CSMD3: variants seen among roughly 807,000 people sequenced by gnomAD.
The protein encoded by CSMD3 is CUB and sushi domain-containing protein 3.
Under a neutral mutation model 435.2 loss-of-function variants are expected in CSMD3, and 177 were observed. The ratio of observed to expected loss-of-function variants is 0.41; its 90% CI spans 0.36 to 0.46. CSMD3 has a LOEUF of 0.46. CSMD3 is among the 20% of genes least tolerant of loss of function. The probability of loss-of-function intolerance (pLI) is 0.34; values close to 1 mark genes in which losing one functional copy is unlikely to be tolerated. For synonymous variants in CSMD3, 1,656 were observed against 1,520.5 expected, an observed-to-expected ratio of 1.09 and a Z score of -2.07; for missense variants, 4,265 against 4,504.6, an observed-to-expected ratio of 0.95 and a Z score of 1.52.
rs527621329 is a variant in CSMD3, at chr8:112,834,784, T to A, written c.1756-4995A>T. Among the ~76,000 whole-genome samples, 72 of 151,900 alleles carry A rather than the reference T, an allele frequency of 4.7e-4. 2 individuals are homozygous for A. In the South Asian group the frequency reaches 0.015, roughly 31 times the overall value. On this transcript the variant is annotated intron_variant, in intron 11 of 70. Transcript: ENST00000297405. ...TTGGTAGTAGGGCTGAAACATTTAG[T>A]AAGAAAATAGGAAAAATATTATGCA...
In CSMD3 at chr8:112,351,240, T is replaced by C. The variant is rs766746382; in HGVS notation, c.6260A>G (p.His2087Arg). Residue 2087 changes from histidine to arginine, a missense_variant, in exon 40 of 71, where the codon CAC becomes CGC. This residue lies in a region of CSMD3 where 3,255 missense variants were observed against 3,380.2 expected (regional missense o/e 0.96). Transcript: ENST00000297405. ...QCDQGYSLQGHSHITCMPGPV... is the reference protein window; with the variant it reads ...QCDQGYSLQGRSHITCMPGPV... The stretch of plus-strand genomic sequence containing the variant: ...TCCTGGCATACATGTAATGTGAGAG[T>C]GACCCTACATAAACAAAATGATGTG... 1 of 1,604,790 alleles carries C rather than the reference T, an allele frequency of 6.2e-7. No individual in the cohort carries two copies. Among genetic ancestry groups the C allele is most frequent in the South Asian group, 1.1e-5 (1 of 90,894 alleles).
chr8:113,335,385 T>C (rs1040061847), intron 1 of CSMD3, among the ~76,000 whole-genome samples: 1 of 151,996 alleles, frequency 6.6e-6, no homozygotes, highest in African/African-American at 2.4e-5. Flanking sequence ...TTACCAGCAG[T>C]ATGTCAATTT....
chr8:112,685,443 G>A lies in CSMD3; in HGVS notation c.2445C>T (p.His815=), dbSNP rs2131802478. The A allele has an allele frequency of 6.2e-7, 1 of 1,614,006 alleles. No homozygotes were observed. Among genetic ancestry groups the A allele is most frequent in the African/African-American group, 1.3e-5 (1 of 75,060 alleles). The change falls in exon 15 of 71, where the codon CAC becomes CAT. Residue 815 remains histidine (H), a synonymous_variant. Coordinates refer to ENST00000297405, the MANE Select transcript of CSMD3 (RefSeq NM_198123.2). Reference sequence around the variant, plus strand: ...TGTTAAAGCCACGTCCTGACATTGAGTGGTCAGCCTGAAATTCCAATCGCA... The same window carrying A: ...TGTTAAAGCCACGTCCTGACATTGAATGGTCAGCCTGAAATTCCAATCGCA... ...HILRLEFQAD[H]SMSGRGFNIT... is the part of the protein sequence containing the mutation.
rs1201501149 is a variant in CSMD3 at position 112,573,565 on chromosome 8, T to C, written c.3978A>G (p.Gln1326=). 2.5e-6 allele frequency: 4 copies of C among 1,613,288 alleles called. No homozygotes were observed. The African/African-American group carries it at 4.0e-5, about 16-fold the overall frequency. Residue 1326 remains glutamine (Q), a synonymous_variant, in exon 24 of 71, where the codon CAA becomes CAG. Coordinates refer to ENST00000297405, the MANE Select transcript of CSMD3 (RefSeq NM_198123.2). ...TATCGGAATTAAATTCTAGCCAGAG[T>C]TGATTTGAAGTACTACTAAGTGTCA... The part of the protein sequence containing the change: ...RGLTLSSTSN[Q]LWLEFNSDTE...
intron 11 of CSMD3, 77 bp from the exon 12 acceptor site, chr8:112,829,866 A>G: frequency 1.3e-6 from 1 of 754,916 alleles, no homozygotes; most frequent in South Asian, 1.4e-5. Flanking sequence ...AATGACAGAA[A>G]TGCATTCTTT....
At chr8:112,538,769 C>G (rs1263488659) in intron 27 of CSMD3, 1 of 151,928 alleles carries the variant, frequency 6.6e-6, no homozygotes, top group Non-Finnish European at 1.5e-5. Flanking sequence ...GTCCTTACTA[C>G]CCAAAGTCAT....
At chr8:112,890,385 C>A (rs1452106342) in intron 10 of CSMD3, among the ~76,000 whole-genome samples, 2 of 151,674 alleles carry the variant, frequency 1.3e-5, no homozygotes, top group Admixed American at 6.6e-5. Flanking sequence ...CATGAGGTAA[C>A]ATTACTTTTT....
intron 16 of CSMD3, among the ~76,000 whole-genome samples, chr8:112,673,852 G>C (rs1223539994): frequency 1.3e-5 from 2 of 152,098 alleles, no homozygotes; most frequent in Non-Finnish European, 2.9e-5. Flanking sequence ...AGCTATGCAG[G>C]GAGTTCTGTG....
At chr8:112,851,195 C>G (rs927162932) in intron 11 of CSMD3, among the ~76,000 whole-genome samples, 3 of 152,062 alleles carry the variant, frequency 2.0e-5, no homozygotes, top group Non-Finnish European at 4.4e-5. Flanking sequence ...ATGAGATCTT[C>G]TTGGCAAATG....
intron 38 of CSMD3, among the ~76,000 whole-genome samples, chr8:112,361,568 C>CATAT (rs1239098509): frequency 1.5e-3 from 54 of 35,580 alleles, no homozygotes; most frequent in Non-Finnish European, 2.5e-3. Context: ...TATATATACA[C>CATAT]ATACATATAT....
At chr8:112,388,264 T>A (rs1255818074) in intron 36 of CSMD3, among the ~76,000 whole-genome samples, 2 of 152,090 alleles carry the variant, frequency 1.3e-5, no homozygotes, top group Non-Finnish European at 1.5e-5. Context: ...ATAAGGAGAT[T>A]GGAGACAACT....
intron 9 of CSMD3, among the ~76,000 whole-genome samples, chr8:112,933,637 A>C (rs1401287572): frequency 6.6e-6 from 1 of 152,140 alleles, no homozygotes; most frequent in Admixed American, 6.6e-5. Context: ...GAATGTGTAA[A>C]CTGCTACCTT....
intron 11 of CSMD3, among the ~76,000 whole-genome samples, chr8:112,837,557 A>T (rs922611163): frequency 4.6e-5 from 7 of 151,814 alleles, no homozygotes; most frequent in Admixed American, 4.0e-4. Flanking sequence ...ATAAGCAAGG[A>T]TTATAAAATA....
chr8:112,316,823 A>T (rs971995478), intron 47 of CSMD3, among the ~76,000 whole-genome samples: 3 of 151,946 alleles, frequency 2.0e-5, no homozygotes, highest in African/African-American at 7.2e-5. Flanking sequence ...AGAAAACCAT[A>T]TCTGGAATTA....
At position 113,436,791 on chromosome 8, in the gene CSMD3, G is replaced by A. The variant is rs764808853; in HGVS notation, c.64C>T (p.Arg22Ter). Residue 22 changes from arginine to a stop codon, truncating the protein, a stop_gained, in exon 1 of 71, where the codon CGA (arginine) becomes TGA (stop). Coordinates refer to ENST00000297405, the MANE Select transcript of CSMD3 (RefSeq NM_198123.2). LOFTEE classifies it high-confidence loss of function. Reference sequence around the variant, plus strand: ...AGGCGGCCACATTTAGCGCATCTTCGCTTGCCAGGCTCCCAGGGTTTGGAT... The same window carrying A: ...AGGCGGCCACATTTAGCGCATCTTCACTTGCCAGGCTCCCAGGGTTTGGAT... ...KESKPWEPGK[R>*]RCAKCGRLDF... 5.6e-6 allele frequency: 9 copies of A among 1,613,954 alleles called. No homozygotes were observed. The highest frequency in any genetic ancestry group is 7.6e-6 in the Non-Finnish European group (9 of 1,180,034).
chr8:112,838,854 A>G (rs1327981339), intron 11 of CSMD3, among the ~76,000 whole-genome samples: 1 of 151,788 alleles, frequency 6.6e-6, no homozygotes, highest in African/African-American at 2.4e-5. Context: ...AAATAAATAT[A>G]CAAAGGTAAA....
intron 4 of CSMD3, among the ~76,000 whole-genome samples, chr8:113,159,905 C>T (rs978567136): frequency 6.6e-6 from 1 of 151,750 alleles, no homozygotes; most frequent in Non-Finnish European, 1.5e-5. Flanking sequence ...TGGAAGTGGC[C>T]TCTGTTCACT....
chr8:113,133,551 C>T lies in CSMD3; in HGVS notation c.710-34588G>A, dbSNP rs556169361. Among the ~76,000 whole-genome samples the T allele has an allele frequency of 4.6e-5, 7 of 152,190 alleles. No homozygotes were observed. In the South Asian group the frequency reaches 1.5e-3, roughly 32 times the overall value. ...CTTGGAAAAATTAAAAATAGAACTA[C>T]CATATGATCCAGCAATCCCACTTGT... On this transcript the variant is annotated intron_variant, in intron 4 of 70. Transcript: ENST00000297405.
intron 5 of CSMD3, among the ~76,000 whole-genome samples, chr8:113,071,535 A>C (rs2089120350): frequency 6.6e-6 from 1 of 151,910 alleles, no homozygotes; most frequent in South Asian, 2.1e-4. Context: ...TTCTTCGTGT[A>C]GATACATTTT....
Sources: allele counts gnomAD v4.1 joint callset (sites outside exome capture counted in the v4.1 genomes callset), GRCh38; gene constraint gnomAD v4.1.1; regional missense constraint gnomAD v4.1.1; transcripts MANE v1.5; gene names NCBI Gene and HGNC (gene_info 2026-07-23, HGNC 2026-07-21).